Variants in ATP6V1E1 observed in about 807,000 individuals in gnomAD.
The protein encoded by ATP6V1E1 is ATPase H+ transporting V1 subunit E1, also known as V-type proton ATPase subunit E 1.
ATP6V1E1 carries 21 observed loss-of-function variants against 35.2 expected under a neutral mutation model. The ratio of observed to expected loss-of-function variants is 0.60; its 90% CI spans 0.42 to 0.86. The LOEUF is 0.86. ATP6V1E1 is among the 40% of genes least tolerant of loss of function. The pLI is 0.00. For missense variants in ATP6V1E1, 183 were observed against 272.6 expected, an observed-to-expected ratio of 0.67 and a Z score of 2.32; for synonymous variants, 83 against 87.8, an observed-to-expected ratio of 0.95 and a Z score of 0.30.
At chr22:17,626,362 C>T (rs544814967) in intron 1 of ATP6V1E1, among the ~76,000 whole-genome samples, 125 of 147,240 alleles carry the variant, frequency 8.5e-4, no homozygotes, top group African/African-American at 3.0e-3. Context: ...CCATTTGACA[C>T]AATTTTGTTT....
chr22:17,600,116 A>AG, intron 5 of ATP6V1E1, 21 bp from the exon 6 acceptor site: 1 of 1,603,316 alleles, frequency 6.2e-7, no homozygotes, highest in Non-Finnish European at 8.5e-7. Context: ...TAGTAGATAC[A>AG]GTCAGTAGAA....
Position 17,622,703 on chromosome 22 carries a change from T to C in ATP6V1E1, c.34-3177A>G, listed in dbSNP as rs373238723. ...ACTACTGCCTGGGTATGGTGGCTCATGCCTGTAATCCCAAGACCCTGGGAG... is the reference window on the plus strand; with the variant it reads ...ACTACTGCCTGGGTATGGTGGCTCACGCCTGTAATCCCAAGACCCTGGGAG... On this transcript the variant is annotated intron_variant, in intron 1 of 8. Transcript: ENST00000253413. Among the ~76,000 whole-genome samples the C allele has an allele frequency of 4.8e-4, 73 of 152,274 alleles. No homozygotes were observed. In the East Asian group the frequency reaches 0.013, roughly 27 times the overall value.
At chr22:17,594,728 C>A in intron 7 of ATP6V1E1, 112 bp from the exon 8 acceptor site, 1 of 823,648 alleles carries the variant, frequency 1.2e-6, no homozygotes, top group Non-Finnish European at 1.7e-6. Context: ...GACTGCGCAA[C>A]CTAAGCAACA....
chr22:17,592,574 C>T lies in ATP6V1E1; in HGVS notation c.*100G>A. 8.3e-7 allele frequency: 1 copy of T among 1,206,028 alleles called. No individual in the cohort carries two copies. Among genetic ancestry groups the T allele is most frequent in the Non-Finnish European group, 1.2e-6 (1 of 813,324 alleles). 74.7% of individuals were successfully genotyped at this position (1,206,028 alleles called of 1,614,324 possible). ...TGATAAATACAGAGCAATACTGGGG[C>T]AGTGAAGAGGAAGCTACAGAGACAT... On this transcript the variant is annotated 3_prime_UTR_variant, in exon 9 of 9. Coordinates refer to ENST00000253413, the MANE Select transcript of ATP6V1E1 (RefSeq NM_001696.4).
chr22:17,615,076 G>A (rs1423603561), intron 2 of ATP6V1E1, among the ~76,000 whole-genome samples: 3 of 152,222 alleles, frequency 2.0e-5, no homozygotes, highest in African/African-American at 7.2e-5. Context: ...GCTGAGGCAG[G>A]CGGATCACAA....
At chr22:17,621,019 G>A (rs928846096) in intron 1 of ATP6V1E1, among the ~76,000 whole-genome samples, 22 of 151,888 alleles carry the variant, frequency 1.4e-4, no homozygotes, top group Admixed American at 9.8e-4. Context: ...CCGAGATCGC[G>A]CCACTGCACA....
intron 4 of ATP6V1E1, among the ~76,000 whole-genome samples, chr22:17,604,414 T>C (rs2057775213): frequency 6.6e-6 from 1 of 152,208 alleles, no homozygotes; most frequent in Non-Finnish European, 1.5e-5. Context: ...AAATATTTCC[T>C]GCTCCTCAAA....
chr22:17,627,405 A>G (rs1040134579), intron 1 of ATP6V1E1, among the ~76,000 whole-genome samples: 18 of 151,918 alleles, frequency 1.2e-4, no homozygotes, highest in Admixed American at 9.2e-4. Flanking sequence ...CTGGTATTAC[A>G]GACGTGAGCC....
chr22:17,594,632 C>G lies in ATP6V1E1; in HGVS notation c.531-16G>C, dbSNP rs770562673. The G allele has an allele frequency of 4.0e-6, 6 of 1,511,106 alleles. No individual in the cohort carries two copies. The African/African-American group carries it at 8.4e-5, about 21-fold the overall frequency. The allele number at this position is 1,511,106 out of a possible 1,614,324, so 93.6% of individuals were successfully genotyped here. Reference sequence around the variant, plus strand: ...TCCACCAGCTCTGCAAAAAAAAAAGCACAGGAAATAATCATTTTCAAAGAC... The same window carrying G: ...TCCACCAGCTCTGCAAAAAAAAAAGGACAGGAAATAATCATTTTCAAAGAC... On this transcript the variant is annotated splice_polypyrimidine_tract_variant and intron_variant, in intron 7 of 8. Transcript: ENST00000253413.
intron 1 of ATP6V1E1, among the ~76,000 whole-genome samples, chr22:17,620,949 C>A (rs986761544): frequency 6.6e-6 from 1 of 152,054 alleles, no homozygotes; most frequent in Non-Finnish European, 1.5e-5. Context: ...GTAGTTCCAG[C>A]TACTTGGGAG....
At chr22:17,612,565 G>T in intron 4 of ATP6V1E1, 1 of 398,612 alleles carries the variant, frequency 2.5e-6, no homozygotes, top group Non-Finnish European at 4.5e-6. Context: ...GTACCCTCAT[G>T]TACTACTGTG....
chr22:17,607,589 C>T (rs2146304248), intron 4 of ATP6V1E1, among the ~76,000 whole-genome samples: 1 of 149,526 alleles, frequency 6.7e-6, no homozygotes, highest in African/African-American at 2.4e-5. Context: ...CCTGTCTTCT[C>T]TTTCTGCTGC....
At chr22:17,599,182 G>C (rs2057748602) in intron 6 of ATP6V1E1, among the ~76,000 whole-genome samples, 1 of 152,012 alleles carries the variant, frequency 6.6e-6, no homozygotes, top group South Asian at 2.1e-4. Context: ...AAATGGAAAA[G>C]TTCTGAAGAT....
chr22:17,606,949 T>A (rs2057789900), intron 4 of ATP6V1E1, among the ~76,000 whole-genome samples: 1 of 152,190 alleles, frequency 6.6e-6, no homozygotes. Context: ...AGCAATTTAT[T>A]TTCTATTAAA....
At chr22:17,603,477 C>T (rs2057771467) in intron 4 of ATP6V1E1, among the ~76,000 whole-genome samples, 1 of 152,118 alleles carries the variant, frequency 6.6e-6, no homozygotes, top group African/African-American at 2.4e-5. Flanking sequence ...AATCATACCA[C>T]TGCACTCCAA....
At chr22:17,608,556 G>T (rs1044393138) in intron 4 of ATP6V1E1, among the ~76,000 whole-genome samples, 2 of 152,102 alleles carry the variant, frequency 1.3e-5, no homozygotes, top group Non-Finnish European at 2.9e-5. Flanking sequence ...CTCCAGAGTA[G>T]CTGGGACCAC....
rs2057708286 is a variant in ATP6V1E1, at chr22:17,592,534, A to T, written c.*140T>A. 2.3e-6 allele frequency: 2 copies of T among 868,780 alleles called. No homozygotes were observed. The highest frequency in any genetic ancestry group is 3.4e-5 in the African/African-American group (2 of 59,594). The allele number at this position is 868,780 out of a possible 1,614,324, so 53.8% of individuals were successfully genotyped here. A position where few individuals can be genotyped will look rare whatever the true frequency, so the allele number is the denominator to read the frequency against. On this transcript the variant is annotated 3_prime_UTR_variant, in exon 9 of 9. Transcript: ENST00000253413. ...TGAACAATTAGGCAAGGCATGAGTG[A>T]CAGAGGGGCATCGCTGATAAATACA...
chr22:17,617,401 C>A (rs1176741381), intron 2 of ATP6V1E1, among the ~76,000 whole-genome samples: 1 of 152,130 alleles, frequency 6.6e-6, no homozygotes, highest in African/African-American at 2.4e-5. Context: ...TCAAGTGATT[C>A]TCCTGCCTCA....
intron 1 of ATP6V1E1, among the ~76,000 whole-genome samples, chr22:17,621,169 A>G (rs1355504671): frequency 6.6e-6 from 1 of 152,044 alleles, no homozygotes; most frequent in Non-Finnish European, 1.5e-5. Context: ...ACAGCTTCCA[A>G]ATTTGTCTTC....
Sources: gnomAD v4.1 joint callset for allele counts (sites outside exome capture counted in the v4.1 genomes callset) on GRCh38, gnomAD v4.1.1 for gene constraint, MANE v1.5 for transcripts, NCBI Gene and HGNC (gene_info 2026-07-23, HGNC 2026-07-21) for gene names.